AGBL4: variants seen among roughly 807,000 people sequenced by gnomAD.
AGBL4 encodes the protein cytosolic carboxypeptidase 6.
In AGBL4, 58 loss-of-function variants were observed where a neutral mutation model predicts 66.4. The observed-to-expected ratio is 0.87, with a 90% CI of 0.71 to 1.09. AGBL4 has a LOEUF of 1.09. AGBL4 is among the 50% of genes least tolerant of loss of function. AGBL4 has a pLI of 0.00. For missense variants in AGBL4, 579 were observed against 631.0 expected (o/e 0.92, Z 0.88); for synonymous variants, 234 against 222.9 (o/e 1.05, Z -0.44).
chr1:49,857,307 C>T (rs1646460266), intron 1 of AGBL4, among the ~76,000 whole-genome samples: 1 of 152,122 alleles, frequency 6.6e-6, no homozygotes. Flanking sequence ...CCAAAGCAAT[C>T]TACAGAGCCA....
chr1:49,384,749 TAAGTGTTGAC>T (rs1644700328), intron 3 of AGBL4, among the ~76,000 whole-genome samples: 1 of 151,920 alleles, frequency 6.6e-6, no homozygotes, highest in African/African-American at 2.4e-5. Flanking sequence ...CAGAAGAAAA[TAAGTGTTGAC>T]AAGAATGTGG....
chr1:48,637,946 C>T (rs1291096477), intron 8 of AGBL4, among the ~76,000 whole-genome samples: 1 of 152,170 alleles, frequency 6.6e-6, no homozygotes, highest in Admixed American at 6.5e-5. Context: ...TTCCAGCCCT[C>T]ACTGAGCATC....
chr1:49,940,654 G>A (rs987232259), intron 1 of AGBL4, among the ~76,000 whole-genome samples: 1 of 151,520 alleles, frequency 6.6e-6, no homozygotes, highest in Admixed American at 6.6e-5. Flanking sequence ...TGAACAATGA[G>A]AACACATGGA....
At chr1:49,677,058 C>T (rs1646594049) in intron 3 of AGBL4, among the ~76,000 whole-genome samples, 1 of 151,778 alleles carries the variant, frequency 6.6e-6, no homozygotes, top group Admixed American at 6.6e-5. Context: ...TCCTTTTAGA[C>T]CAAGTTCAAT....
chr1:48,720,172 G>A (rs770188998), intron 6 of AGBL4, among the ~76,000 whole-genome samples: 6 of 152,158 alleles, frequency 3.9e-5, no homozygotes, highest in Non-Finnish European at 5.9e-5. Context: ...ATCAACACAG[G>A]GTGGTCCCTA....
chr1:49,533,789 T>TG (rs1158515375), intron 3 of AGBL4, among the ~76,000 whole-genome samples: 1 of 152,114 alleles, frequency 6.6e-6, no homozygotes, highest in Non-Finnish European at 1.5e-5. Context: ...CTCATATTCT[T>TG]GTCTGCTGGG....
At chr1:48,783,829 G>A (rs895782387) in intron 6 of AGBL4, among the ~76,000 whole-genome samples, 2 of 152,094 alleles carry the variant, frequency 1.3e-5, no homozygotes, top group Non-Finnish European at 2.9e-5. Context: ...GAGCACCTCT[G>A]AGTTAGAAGA....
intron 3 of AGBL4, among the ~76,000 whole-genome samples, chr1:49,600,361 G>C (rs1328564982): frequency 6.6e-6 from 1 of 152,182 alleles, no homozygotes; most frequent in African/African-American, 2.4e-5. Context: ...TTACCATTGT[G>C]TAATGCCCTT....
At chr1:49,350,844 G>C (rs1455112756) in intron 3 of AGBL4, among the ~76,000 whole-genome samples, 2 of 151,656 alleles carry the variant, frequency 1.3e-5, no homozygotes, top group South Asian at 2.1e-4. Flanking sequence ...GACTCTTCCT[G>C]CTGCTTCTTC....
chr1:48,911,481 G>A (rs974155397), intron 5 of AGBL4, among the ~76,000 whole-genome samples: 6 of 152,002 alleles, frequency 3.9e-5, no homozygotes, highest in African/African-American at 4.8e-5. Flanking sequence ...TTAGCCAGGC[G>A]TGGTGGTGGG....
chr1:49,745,835 AT>A (rs981755957), intron 2 of AGBL4, among the ~76,000 whole-genome samples: 13 of 152,080 alleles, frequency 8.5e-5, no homozygotes, highest in East Asian at 1.9e-4. Context: ...AGCAAAAAAA[AT>A]CAAAAGAAAA....
intron 9 of AGBL4, among the ~76,000 whole-genome samples, chr1:48,608,488 T>A (rs1645185500): frequency 6.6e-6 from 1 of 152,176 alleles, no homozygotes; most frequent in Non-Finnish European, 1.5e-5. Flanking sequence ...CTTGAATGGC[T>A]CTATGTCAGT....
intron 3 of AGBL4, among the ~76,000 whole-genome samples, chr1:49,570,295 T>C (rs1424151816): frequency 3.9e-5 from 6 of 152,176 alleles, no homozygotes; most frequent in East Asian, 3.9e-4. Flanking sequence ...TTCTATCTCA[T>C]TGTGGTTTTA....
At chr1:49,870,006 T>C (rs1364152991) in intron 1 of AGBL4, among the ~76,000 whole-genome samples, 1 of 152,170 alleles carries the variant, frequency 6.6e-6, no homozygotes, top group Non-Finnish European at 1.5e-5. Flanking sequence ...TTTGAGGTAA[T>C]TGATATCCCA....
intron 4 of AGBL4, among the ~76,000 whole-genome samples, chr1:49,217,800 A>T (rs1381522653): frequency 6.6e-6 from 1 of 152,082 alleles, no homozygotes; most frequent in African/African-American, 2.4e-5. Flanking sequence ...ATGAATTATG[A>T]CTTTTGTCCT....
intron 3 of AGBL4, among the ~76,000 whole-genome samples, chr1:49,355,040 G>A (rs1643990182): frequency 6.6e-6 from 1 of 152,144 alleles, no homozygotes; most frequent in Admixed American, 6.5e-5. Context: ...TTTGGGATGA[G>A]GAAGGGATCA....
chr1:48,775,427 G>A (rs1484294472), intron 6 of AGBL4, among the ~76,000 whole-genome samples: 1 of 151,964 alleles, frequency 6.6e-6, no homozygotes, highest in Non-Finnish European at 1.5e-5. Flanking sequence ...GGAAGCAAAG[G>A]AACTTGAAAA....
chr1:49,532,323 A>G (rs1651203226), intron 3 of AGBL4, among the ~76,000 whole-genome samples: 1 of 152,146 alleles, frequency 6.6e-6, no homozygotes, highest in Non-Finnish European at 1.5e-5. Context: ...TGTCCTGATG[A>G]TTACATAACC....
intron 2 of AGBL4, among the ~76,000 whole-genome samples, chr1:49,796,960 A>C (rs896707253): frequency 4.6e-5 from 7 of 152,118 alleles, no homozygotes; most frequent in Admixed American, 4.6e-4. Flanking sequence ...TTGTTAAAAG[A>C]CTAGATCTCA....
Sources: gnomAD v4.1 joint callset for allele counts (sites outside exome capture counted in the v4.1 genomes callset) on GRCh38, gnomAD v4.1.1 for gene constraint, MANE v1.5 for transcripts, NCBI Gene and HGNC (gene_info 2026-07-23, HGNC 2026-07-21) for gene names.